The following THNSL1 variants were observed in gnomAD, a reference collection of about 807,000 sequenced individuals.
The protein encoded by THNSL1 is threonine synthase-like 1.
In THNSL1, 48 loss-of-function variants were observed where a neutral mutation model predicts 50.4. The observed-to-expected ratio is 0.95, with a 90% CI of 0.76 to 1.21. The LOEUF (loss-of-function observed/expected upper bound fraction) is 1.21. Ranked by LOEUF, THNSL1 falls within the 50% of genes most tolerant of loss-of-function variation. The pLI is 0.00. For synonymous variants in THNSL1, 309 were observed against 306.1 expected, an observed-to-expected ratio of 1.01 and a Z score of -0.10; for missense variants, 896 against 871.7, an observed-to-expected ratio of 1.03 and a Z score of -0.35.
At chr10:25,022,620 T>C (rs1235196333) in intron 2 of THNSL1, among the ~76,000 whole-genome samples, 1 of 152,218 alleles carries the variant, frequency 6.6e-6, no homozygotes, top group East Asian at 1.9e-4. Context: ...AAATATGTTC[T>C]TTTATTCTGG....
chr10:25,023,879 C>T lies in THNSL1; in HGVS notation c.656C>T (p.Ala219Val). The change falls in exon 3 of 3, where the codon GCA becomes GTA. Residue 219 changes from alanine to valine, a missense_variant. By Grantham distance (64) the Ala-to-Val change is moderately conservative (BLOSUM62 0). Coordinates refer to ENST00000376356, the MANE Select transcript of THNSL1 (RefSeq NM_024838.5). ...PEEVADKVLNAIKRYQDVDSE... is the reference protein window; with the variant it reads ...PEEVADKVLNVIKRYQDVDSE... Reference sequence around the variant, plus strand: ...GAGGTAGCTGACAAAGTGCTGAATGCAATTAAAAGATACCAAGATGTGGAC... The same window carrying T: ...GAGGTAGCTGACAAAGTGCTGAATGTAATTAAAAGATACCAAGATGTGGAC... The T allele has an allele frequency of 6.2e-7, 1 of 1,614,094 alleles. No individual in the cohort carries two copies. The highest frequency in any genetic ancestry group is 1.1e-5 in the South Asian group (1 of 91,070).
In THNSL1 at chr10:25,025,004, TAGAA is replaced by T; in HGVS notation, c.1784_1787del (p.Glu595ValfsTer7). 7 of 1,614,212 alleles carry T rather than the reference TAGAA, an allele frequency of 4.3e-6. No individual in the cohort carries two copies. Among genetic ancestry groups the T allele is most frequent in the Non-Finnish European group, 5.9e-6 (7 of 1,180,026 alleles). On this transcript the variant is annotated frameshift_variant, in exon 3 of 3. Coordinates refer to ENST00000376356, the MANE Select transcript of THNSL1 (RefSeq NM_024838.5). LOFTEE classifies it high-confidence loss of function. ...CTAATGACAGAATTATTTAATCGAT[TAGAA>T]AGTCAGCATCATTTCCAGATAGAAA...
At chr10:24,993,249 C>T in the THNSL1 span, among the ~76,000 whole-genome samples, 98 of 152,062 alleles carry the variant, frequency 6.4e-4, no homozygotes, top group Non-Finnish European at 8.4e-4. Flanking sequence ...GCTGAATCAC[C>T]GGAGGCTAAT....
chr10:25,025,420 C>A lies in THNSL1; in HGVS notation c.2197C>A (p.His733Asn). 1 of 1,610,386 alleles carries A rather than the reference C, an allele frequency of 6.2e-7. No individual in the cohort carries two copies. The highest frequency in any genetic ancestry group is 1.1e-5 in the South Asian group (1 of 89,890). ...AGCTGATATGAATGTCTTGAAGAGTCATGTGGAACAACTTGTCCAAAATCA... is the reference window on the plus strand; with the variant it reads ...AGCTGATATGAATGTCTTGAAGAGTAATGTGGAACAACTTGTCCAAAATCA... ...CAADMNVLKS[H>N]VEQLVQNQFI is the part of the protein sequence containing the mutation. Residue 733 changes from histidine to asparagine, a missense_variant, in exon 3 of 3, where the codon CAT becomes AAT. By Grantham distance (68) the His-to-Asn change is moderately conservative. Transcript: ENST00000376356.
At chr10:25,020,282 A>ATCTATATCTATATCTATATCTATATC (rs1564347806) in intron 1 of THNSL1, among the ~76,000 whole-genome samples, 1 of 151,874 alleles carries the variant, frequency 6.6e-6, no homozygotes, top group Non-Finnish European at 1.5e-5. Flanking sequence ...ATCTATATAT[A>ATCTATATCTATATCTATATCTATATC]TCTACCCCAA....
At chr10:25,022,455 CTA>C (rs1850740634) in intron 2 of THNSL1, among the ~76,000 whole-genome samples, 1 of 152,158 alleles carries the variant, frequency 6.6e-6, no homozygotes, top group African/African-American at 2.4e-5. Context: ...TTTTTCTTAA[CTA>C]TTTGTATAAT....
the THNSL1 span, among the ~76,000 whole-genome samples, chr10:24,996,490 A>G: frequency 2.0e-5 from 3 of 151,770 alleles, no homozygotes; most frequent in Non-Finnish European, 4.4e-5. Flanking sequence ...TATAAATACA[A>G]GGAAGAAGTA....
chr10:24,952,536 C>A, the THNSL1 span: 1 of 1,589,512 alleles, frequency 6.3e-7, no homozygotes, highest in Admixed American at 1.8e-5. This position sits in a 1 kb window ranked among gnomAD's most constrained non-coding sequence, Gnocchi z 5.1. Flanking sequence ...ACCACGACGC[C>A]TCGCCCGTAG....
intron 1 of THNSL1, among the ~76,000 whole-genome samples, chr10:25,017,338 GTTTAAAAGACA>G (rs1254194105): frequency 6.6e-6 from 1 of 152,144 alleles, no homozygotes; most frequent in African/African-American, 2.4e-5. Flanking sequence ...TTACCCGAGT[GTTTAAAAGACA>G]TTTTGGTAAT....
At chr10:24,952,899 C>G in the THNSL1 span, among the ~76,000 whole-genome samples, 1 of 151,846 alleles carries the variant, frequency 6.6e-6, no homozygotes, top group Non-Finnish European at 1.5e-5. The surrounding 1 kb of genome is among the most constrained non-coding windows in gnomAD (Gnocchi z 5.1). Context: ...CGGATGGTCG[C>G]GTGCAGCCCC....
the THNSL1 span, among the ~76,000 whole-genome samples, chr10:25,001,184 C>A: frequency 6.6e-6 from 1 of 152,064 alleles, no homozygotes; most frequent in African/African-American, 2.4e-5. Context: ...AAATTTCTAA[C>A]TGGTACCATT....
At position 25,023,679 on chromosome 10, in the gene THNSL1, A is replaced by T. The variant is rs1850770527; in HGVS notation, c.456A>T (p.Val152=). 6.2e-7 allele frequency: 1 copy of T among 1,613,968 alleles called. No individual in the cohort carries two copies. The highest frequency in any genetic ancestry group is 8.5e-7 in the Non-Finnish European group (1 of 1,180,030). ...ATCTGAAGAAAAATGGAATAATTGTATACCTGGATGTACCTCTACTAGATC... is the reference window on the plus strand; with the variant it reads ...ATCTGAAGAAAAATGGAATAATTGTTTACCTGGATGTACCTCTACTAGATC... ...MWHLKKNGII[V]YLDVPLLDLI... is the part of the protein sequence containing the mutation. Residue 152 remains valine (V), a synonymous_variant, in exon 3 of 3, where the codon GTA becomes GTT. Coordinates refer to ENST00000376356, the MANE Select transcript of THNSL1 (RefSeq NM_024838.5).
At chr10:25,000,953 T>G in the THNSL1 span, among the ~76,000 whole-genome samples, 1 of 152,096 alleles carries the variant, frequency 6.6e-6, no homozygotes, top group South Asian at 2.1e-4. Context: ...TTATAGCATT[T>G]AACATGTGGT....
chr10:24,954,977 C>T, the THNSL1 span, among the ~76,000 whole-genome samples: 1 of 152,224 alleles, frequency 6.6e-6, no homozygotes, highest in African/African-American at 2.4e-5. Context: ...AGTCTGTTCT[C>T]ATATTGGTAT....
At chr10:24,979,179 C>G in the THNSL1 span, among the ~76,000 whole-genome samples, 1 of 152,174 alleles carries the variant, frequency 6.6e-6, no homozygotes, top group African/African-American at 2.4e-5. Context: ...TCCTTAACTG[C>G]CGAAAAATTT....
chr10:25,001,590 T>C, the THNSL1 span, among the ~76,000 whole-genome samples: 1 of 152,142 alleles, frequency 6.6e-6, no homozygotes, highest in Non-Finnish European at 1.5e-5. Context: ...TTTTGCATTG[T>C]TCTATTACTG....
At chr10:24,988,401 T>A in the THNSL1 span, among the ~76,000 whole-genome samples, 1 of 144,940 alleles carries the variant, frequency 6.9e-6, no homozygotes, top group Admixed American at 7.0e-5. Flanking sequence ...TATTTATATA[T>A]GTGTATATAT....
chr10:24,954,257 G>T, the THNSL1 span, among the ~76,000 whole-genome samples: 1 of 152,134 alleles, frequency 6.6e-6, no homozygotes, highest in Admixed American at 6.5e-5. Context: ...TTCACTGGGT[G>T]GGGAAGATCT....
chr10:25,011,718 C>A (rs371125009), upstream of THNSL1, among the ~76,000 whole-genome samples: 1 of 152,046 alleles, frequency 6.6e-6, no homozygotes, highest in South Asian at 2.1e-4. Flanking sequence ...GCAACAAAAG[C>A]CAAAATTGAC....
Sources: gnomAD v4.1 joint callset for allele counts (sites outside exome capture counted in the v4.1 genomes callset) on GRCh38, gnomAD v4.1.1 for gene constraint, Gnocchi (gnomAD v3.1) non-coding constraint, MANE v1.5 for transcripts, NCBI Gene and HGNC (gene_info 2026-07-23, HGNC 2026-07-21) for gene names.